The following XPO5 variants were observed in gnomAD, a reference collection of about 807,000 sequenced individuals.
XPO5 encodes the protein exportin-5.
In XPO5, 46 loss-of-function variants were observed where a neutral mutation model predicts 160.6. The observed-to-expected ratio is 0.29, with a 90% CI of 0.23 to 0.37. The LOEUF (loss-of-function observed/expected upper bound fraction) is 0.37, where lower values mean the gene tolerates loss of function less well. XPO5 is among the 10% of genes least tolerant of loss of function. XPO5 has a pLI of 1.00. For missense variants in XPO5, 1,090 were observed against 1,463.9 expected, an observed-to-expected ratio of 0.74 and a Z score of 4.17; for synonymous variants, 537 against 519.3, an observed-to-expected ratio of 1.03 and a Z score of -0.46.
intron 8 of XPO5, among the ~76,000 whole-genome samples, chr6:43,564,655 T>C (rs1390169052): frequency 6.6e-6 from 1 of 152,070 alleles, no homozygotes; most frequent in Non-Finnish European, 1.5e-5. Context: ...CAGGCTGGAG[T>C]GTAGTGGCAT....
intron 20 of XPO5, chr6:43,544,395 G>A (rs1039325869): frequency 6.6e-6 from 1 of 152,348 alleles, no homozygotes; most frequent in Non-Finnish European, 1.5e-5. Flanking sequence ...AAGGTGACTA[G>A]AAATTGAAAA....
intron 31 of XPO5, 147 bp from the exon 32 acceptor site, chr6:43,524,152 G>T (rs1793382109): frequency 8.4e-7 from 1 of 1,188,326 alleles, no homozygotes; most frequent in African/African-American, 1.5e-5. Flanking sequence ...AGGAGTTCAA[G>T]ACCAGCCTGA....
rs56147929 is a variant in XPO5 at position 43,566,811 on chromosome 6, TAAAAA to T, written c.834+353_834+357del. Among the ~76,000 whole-genome samples, 521 of 101,668 alleles carry T rather than the reference TAAAAA, an allele frequency of 5.1e-3. 5 individuals are homozygous for T. Among genetic ancestry groups the T allele is most frequent in the African/African-American group, 0.018 (488 of 27,050 alleles). 66.7% of individuals were successfully genotyped at this position (101,668 alleles called of 152,430 possible). On this transcript the variant is annotated intron_variant, in intron 7 of 31. Coordinates refer to ENST00000265351, the MANE Select transcript of XPO5 (RefSeq NM_020750.3). Reference sequence around the variant, plus strand: ...GGTGACAGAGCAAGACTGTTTCAATTAAAAAAAAAAAAAAAAAAAAAAGACAGATA... The same window carrying T: ...GGTGACAGAGCAAGACTGTTTCAATTAAAAAAAAAAAAAAAAAGACAGATA...
At chr6:43,531,005 A>C (rs890872057) in intron 22 of XPO5, among the ~76,000 whole-genome samples, 181 bp from the exon 23 acceptor site, 1 of 152,226 alleles carries the variant, frequency 6.6e-6, no homozygotes, top group African/African-American at 2.4e-5. Context: ...GGTGGCCGAG[A>C]TCAGCAGTAG....
At chr6:43,549,770 T>A (rs747136082) in intron 16 of XPO5, 123 bp downstream of exon 16, 1 of 1,214,242 alleles carries the variant, frequency 8.2e-7, no homozygotes, top group African/African-American at 1.5e-5. Flanking sequence ...CAAAACAACA[T>A]ATATGATAAT....
chr6:43,524,806 C>A (rs1464024212), intron 30 of XPO5, 25 bp downstream of exon 30: 4 of 1,611,722 alleles, frequency 2.5e-6, no homozygotes, highest in Non-Finnish European at 3.4e-6. Flanking sequence ...TGCAGCCATC[C>A]TTCCCCCATG....
In XPO5 at chr6:43,568,708, T is replaced by A; in HGVS notation, c.648+3A>T. 1 of 1,578,172 alleles carries A rather than the reference T, an allele frequency of 6.3e-7. No individual in the cohort carries two copies. Among genetic ancestry groups the A allele is most frequent in the Non-Finnish European group, 8.6e-7 (1 of 1,160,164 alleles). On this transcript the variant is annotated splice_donor_region_variant and intron_variant, in intron 6 of 31. Transcript: ENST00000265351. ...TCCTTCAAACTTTATAAAGAGCTCT[T>A]ACCTTTGACTCCTGAGAAGTATCTG...
chr6:43,538,908 A>G, intron 20 of XPO5: 1 of 1,223,166 alleles, frequency 8.2e-7, no homozygotes, highest in South Asian at 1.2e-5. Flanking sequence ...AATTCCTGAT[A>G]GGGAGACTTG....
chr6:43,528,351 G>A, intron 24 of XPO5, 146 bp from the exon 25 acceptor site: 1 of 749,254 alleles, frequency 1.3e-6, no homozygotes, highest in Non-Finnish European at 2.2e-6. Flanking sequence ...CACACCACAA[G>A]GTTAAAAAAA....
At chr6:43,560,898 T>A (rs1762382655) in intron 10 of XPO5, 26 bp downstream of exon 10, 2 of 1,590,338 alleles carry the variant, frequency 1.3e-6, no homozygotes, top group East Asian at 4.5e-5. Flanking sequence ...ACTAAACTTT[T>A]GAGAAGTTAC....
intron 23 of XPO5, chr6:43,529,729 G>A (rs1460879379): frequency 1.2e-5 from 2 of 160,294 alleles, no homozygotes; most frequent in East Asian, 1.9e-4. Flanking sequence ...AGACCACCCT[G>A]GGGAACATAA....
Sources: allele counts gnomAD v4.1 joint callset (sites outside exome capture counted in the v4.1 genomes callset), GRCh38; gene constraint gnomAD v4.1.1; transcripts MANE v1.5; gene names NCBI Gene and HGNC (gene_info 2026-07-23, HGNC 2026-07-21).